The following TEC variants were observed in gnomAD, a reference collection of about 807,000 sequenced individuals.
TEC encodes the protein tyrosine-protein kinase Tec.
A neutral mutation model predicts 93.0 loss-of-function variants in TEC; 72 were observed. The ratio of observed to expected loss-of-function variants is 0.77; its 90% confidence interval spans 0.64 to 0.94. TEC has a LOEUF of 0.94. Among genes scored for constraint, TEC ranks in the 40% least tolerant of loss-of-function variants. The probability of loss-of-function intolerance (pLI) is 0.00; values close to 1 mark genes in which losing one functional copy is unlikely to be tolerated. For missense variants in TEC, 630 were observed against 757.9 expected, an observed-to-expected ratio of 0.83 and a Z score of 1.98; for synonymous variants, 249 against 247.7, an observed-to-expected ratio of 1.01 and a Z score of -0.05.
At position 48,209,252 on chromosome 4, in the gene TEC, A is replaced by G. The variant is rs186844511; in HGVS notation, c.138+19225T>C. Among the ~76,000 whole-genome samples the G allele has an allele frequency of 1.1e-4, 17 of 152,214 alleles. No homozygotes were observed. The East Asian group carries it at 1.3e-3, about 12-fold the overall frequency. ...AAATTCAGTAGAAAATAACCCTTCCATAATGAAGTTGATGATAGAAAACTA... is the reference window on the plus strand; with the variant it reads ...AAATTCAGTAGAAAATAACCCTTCCGTAATGAAGTTGATGATAGAAAACTA... On this transcript the variant is annotated intron_variant, in intron 2 of 17. Coordinates refer to ENST00000381501, the MANE Select transcript of TEC (RefSeq NM_003215.3).
intron 1 of TEC, among the ~76,000 whole-genome samples, chr4:48,268,825 T>C (rs950290540): frequency 6.6e-6 from 1 of 152,278 alleles, no homozygotes; most frequent in African/African-American, 2.4e-5. Flanking sequence ...CCAGCCATCC[T>C]GTTGTTCCAA....
chr4:48,235,984 T>C (rs1723772476), intron 1 of TEC, among the ~76,000 whole-genome samples: 1 of 152,072 alleles, frequency 6.6e-6, no homozygotes, highest in South Asian at 2.1e-4. Context: ...ACTTCTCTAG[T>C]GGAAAGGAAG....
At chr4:48,179,331 G>A (rs1213327994) in intron 2 of TEC, among the ~76,000 whole-genome samples, 5 of 118,184 alleles carry the variant, frequency 4.2e-5, no homozygotes, top group African/African-American at 1.3e-4. Context: ...ATGTAATGAC[G>A]TGGGTAGTAT....
At chr4:48,215,146 C>A (rs1723032506) in intron 2 of TEC, among the ~76,000 whole-genome samples, 1 of 152,108 alleles carries the variant, frequency 6.6e-6, no homozygotes, top group African/African-American at 2.4e-5. Context: ...AAGCAAGACT[C>A]CATCTCAAAA....
At chr4:48,264,403 C>G (rs1724580251) in intron 1 of TEC, among the ~76,000 whole-genome samples, 1 of 152,212 alleles carries the variant, frequency 6.6e-6, no homozygotes, top group Non-Finnish European at 1.5e-5. Flanking sequence ...CGTACACAAA[C>G]AGCATGGAGG....
intron 1 of TEC, among the ~76,000 whole-genome samples, chr4:48,266,403 AG>A (rs1245289906): frequency 6.6e-6 from 1 of 152,236 alleles, no homozygotes; most frequent in East Asian, 1.9e-4. Context: ...CAGTAGGCTC[AG>A]GAACAGCTTC....
At chr4:48,203,303 T>C (rs1722593054) in intron 2 of TEC, among the ~76,000 whole-genome samples, 1 of 149,754 alleles carries the variant, frequency 6.7e-6, no homozygotes, top group Admixed American at 6.6e-5. Context: ...AGGTGGAGGT[T>C]GCAGTGAGCC....
At chr4:48,189,780 T>C (rs1722027418) in intron 2 of TEC, among the ~76,000 whole-genome samples, 1 of 152,216 alleles carries the variant, frequency 6.6e-6, no homozygotes, top group Non-Finnish European at 1.5e-5. Flanking sequence ...AGGTAAGATT[T>C]ATAATAGCAC....
At chr4:48,164,725 G>A (rs1297297325) in intron 7 of TEC, among the ~76,000 whole-genome samples, 1 of 152,092 alleles carries the variant, frequency 6.6e-6, no homozygotes, top group Non-Finnish European at 1.5e-5. Context: ...ATTGTGTCCA[G>A]GTGCAGTGGC....
At chr4:48,227,712 T>A (rs1194229342) in intron 2 of TEC, among the ~76,000 whole-genome samples, 1 of 150,314 alleles carries the variant, frequency 6.7e-6, no homozygotes, top group African/African-American at 2.5e-5. Context: ...TAACAGCATA[T>A]GGTTAGCCAT....
At position 48,171,409 on chromosome 4, in the gene TEC, C is replaced by G; in HGVS notation, c.284G>C (p.Ser95Thr). 1 of 1,613,660 alleles carries G rather than the reference C, an allele frequency of 6.2e-7. No individual in the cohort carries two copies. Among genetic ancestry groups the G allele is most frequent in the Non-Finnish European group, 8.5e-7 (1 of 1,179,852 alleles). Residue 95 changes from serine (S) to threonine (T), a missense_variant, in exon 4 of 18, where the codon AGT becomes ACT. Ser to Thr is a moderately conservative substitution (Grantham distance 58, BLOSUM62 1). This residue lies in a region of TEC where 335 missense variants were observed against 351.5 expected (regional missense o/e 0.95). Coordinates refer to ENST00000381501, the MANE Select transcript of TEC (RefSeq NM_003215.3). The stretch of plus-strand genomic sequence containing the variant: ...CACCCACAGGTCCCTGCTTTGTGGA[C>G]TAGGTGCAAAAATGTAAAGTGTGTT... ...DANTLYIFAP[S>T]PQSRDLWVKK...
chr4:48,145,572 C>T lies in TEC; in HGVS notation c.1089G>A (p.Trp363Ter). ...PTTAGFSYEK[W>*]EINPSELTFM... ...AGGTCAGTTCTGAAGGGTTAATCTCCCATTTCTCTGCAGGACAGAAAGTGA... is the reference window on the plus strand; with the variant it reads ...AGGTCAGTTCTGAAGGGTTAATCTCTCATTTCTCTGCAGGACAGAAAGTGA... The change falls in exon 13 of 18, where the codon TGG becomes TGA. Residue 363 changes from tryptophan (W) to a stop codon, truncating the protein, a stop_gained. Coordinates refer to ENST00000381501, the MANE Select transcript of TEC (RefSeq NM_003215.3). LOFTEE classifies it high-confidence loss of function. 1 of 1,613,948 alleles carries T rather than the reference C, an allele frequency of 6.2e-7. No homozygotes were observed. Among genetic ancestry groups the T allele is most frequent in the Non-Finnish European group, 8.5e-7 (1 of 1,179,974 alleles).
chr4:48,190,851 T>C (rs1372993428), intron 2 of TEC, among the ~76,000 whole-genome samples: 1 of 152,214 alleles, frequency 6.6e-6, no homozygotes, highest in African/African-American at 2.4e-5. Flanking sequence ...TAGGAAAGTT[T>C]AAAACTGATG....
intron 2 of TEC, among the ~76,000 whole-genome samples, chr4:48,194,177 A>C (rs1244735130): frequency 6.6e-6 from 1 of 152,210 alleles, no homozygotes; most frequent in East Asian, 1.9e-4. Context: ...GATTTCTGGA[A>C]AGGTGCATCG....
chr4:48,168,639 A>G lies in TEC; in HGVS notation c.455-13T>C. 1 of 1,600,022 alleles carries G rather than the reference A, an allele frequency of 6.2e-7. No individual in the cohort carries two copies. Among genetic ancestry groups the G allele is most frequent in the Non-Finnish European group, 8.5e-7 (1 of 1,176,876 alleles). ...GCTTTTCTTATACCTGAAAATGCCA[A>G]CAACAAAAACAGATTAAAATGCTAT... On this transcript the variant is annotated splice_polypyrimidine_tract_variant and intron_variant, in intron 5 of 17. Transcript: ENST00000381501.
chr4:48,187,242 T>TA (rs1233840808), intron 2 of TEC, among the ~76,000 whole-genome samples: 4 of 152,102 alleles, frequency 2.6e-5, no homozygotes, highest in African/African-American at 9.7e-5. Flanking sequence ...GCATGCTCGT[T>TA]AAGAGTCATC....
At chr4:48,150,023 A>AG (rs1720093927) in intron 10 of TEC, among the ~76,000 whole-genome samples, 1 of 152,220 alleles carries the variant, frequency 6.6e-6, no homozygotes, top group Non-Finnish European at 1.5e-5. Context: ...ACAAATGTCT[A>AG]GAACACTTAA....
chr4:48,238,107 G>GA (rs1162998886), intron 1 of TEC, among the ~76,000 whole-genome samples: 1 of 151,980 alleles, frequency 6.6e-6, no homozygotes, highest in Non-Finnish European at 1.5e-5. Context: ...TACAACAAAG[G>GA]AAAAAAATAC....
chr4:48,210,517 AT>A (rs1722869157), intron 2 of TEC, among the ~76,000 whole-genome samples: 1 of 143,692 alleles, frequency 7.0e-6, no homozygotes, highest in Non-Finnish European at 1.6e-5. Context: ...GAGGAGGAGG[AT>A]GATGAGGAGG....
Sources: gnomAD v4.1 joint callset for allele counts (sites outside exome capture counted in the v4.1 genomes callset) on GRCh38, gnomAD v4.1.1 for gene constraint, gnomAD v4.1.1 regional missense constraint, MANE v1.5 for transcripts, NCBI Gene and HGNC (gene_info 2026-07-23, HGNC 2026-07-21) for gene names.